FBXL14: variants seen among roughly 807,000 people sequenced by gnomAD.
FBXL14 encodes the protein F-box/LRR-repeat protein 14.
Under a neutral mutation model 24.5 loss-of-function variants are expected in FBXL14, and 11 were observed. The ratio of observed to expected loss-of-function variants is 0.45; its 90% confidence interval spans 0.28 to 0.74. The LOEUF is 0.74. Ranked by LOEUF, FBXL14 falls within the 30% of genes least tolerant of loss-of-function variation. The pLI is 0.12. For missense variants in FBXL14, 384 were observed against 545.6 expected (o/e 0.70, Z 2.95); for synonymous variants, 294 against 240.4 (o/e 1.22, Z -2.06).
chr12:1,568,874 T>A (rs1353923914), intron 1 of FBXL14, among the ~76,000 whole-genome samples: 2 of 151,946 alleles, frequency 1.3e-5, no homozygotes, highest in East Asian at 3.9e-4. Context: ...AAAAAAAGAT[T>A]GTCATAGTGG....
At chr12:1,589,124 ACGCCTGTAAT>A (rs2094482979) in intron 1 of FBXL14, among the ~76,000 whole-genome samples, 1 of 150,832 alleles carries the variant, frequency 6.6e-6, no homozygotes. Flanking sequence ...AGAGTGGCTC[ACGCCTGTAAT>A]CCCAGGACTT....
chr12:1,569,598 C>T lies in FBXL14; in HGVS notation c.1195-2788G>A, dbSNP rs2094441947. Among the ~76,000 whole-genome samples, 1 of 152,166 alleles carries T rather than the reference C, an allele frequency of 6.6e-6. No homozygotes were observed. Among genetic ancestry groups the T allele is most frequent in the African/African-American group, 2.4e-5 (1 of 41,458 alleles). On this transcript the variant is annotated intron_variant, in intron 1 of 1. Transcript: ENST00000339235. The surrounding 1 kb of genome is among the most constrained non-coding windows in gnomAD (Gnocchi z 4.2). ...TGTGTTTTTAGTAGAGATGGGGTTT[C>T]ACCGTGTTAGCCAGGATGGTCTCGA...
At chr12:1,586,845 C>T (rs2094477643) in intron 1 of FBXL14, among the ~76,000 whole-genome samples, 1 of 152,192 alleles carries the variant, frequency 6.6e-6, no homozygotes, top group Non-Finnish European at 1.5e-5. Flanking sequence ...GCTGCAGACC[C>T]AGTTCTCTTC....
At position 1,566,740 on chromosome 12, in the gene FBXL14, C is replaced by G; in HGVS notation, c.*8G>C. 1.3e-6 allele frequency: 1 copy of G among 780,888 alleles called. No individual in the cohort carries two copies. The highest frequency in any genetic ancestry group is 2.4e-6 in the Non-Finnish European group (1 of 418,062). The allele number at this position is 780,888 out of a possible 1,614,324, so 48.4% of individuals were successfully genotyped here. A position where few individuals can be genotyped will look rare whatever the true frequency, so the allele number is the denominator to read the frequency against. ...ATCCACGGGAACCATGTCGTTGTCC[C>G]CTCTCCCTCACCTTCTGGAGCTTCC... On this transcript the variant is annotated 3_prime_UTR_variant, in exon 2 of 2. Transcript: ENST00000339235.
At chr12:1,592,194 A>T (rs1294311997) in intron 1 of FBXL14, among the ~76,000 whole-genome samples, 1 of 147,532 alleles carries the variant, frequency 6.8e-6, no homozygotes, top group Non-Finnish European at 1.5e-5. Flanking sequence ...ATATATGTAT[A>T]TATATATATA....
intron 1 of FBXL14, among the ~76,000 whole-genome samples, chr12:1,585,251 A>C (rs1168749603): frequency 2.6e-5 from 4 of 151,954 alleles, no homozygotes; most frequent in Non-Finnish European, 5.9e-5. Context: ...ACAAAAAATT[A>C]GCCGGGCGTG....
At chr12:1,586,964 G>A (rs538307701) in intron 1 of FBXL14, among the ~76,000 whole-genome samples, 28 of 152,324 alleles carry the variant, frequency 1.8e-4, no homozygotes, top group African/African-American at 5.8e-4. Context: ...GTGGCCGGGC[G>A]CGGTGGCTCA....
intron 1 of FBXL14, among the ~76,000 whole-genome samples, chr12:1,576,452 C>G (rs2094456102): frequency 6.6e-6 from 1 of 152,198 alleles, no homozygotes; most frequent in Non-Finnish European, 1.5e-5. Context: ...CTGTCACCCT[C>G]TGGAGCTACT....
chr12:1,588,198 G>T (rs951353846), intron 1 of FBXL14, among the ~76,000 whole-genome samples: 1 of 152,144 alleles, frequency 6.6e-6, no homozygotes, highest in African/African-American at 2.4e-5. Flanking sequence ...AAACACAGTG[G>T]TCCCTGGGGG....
chr12:1,568,863 C>CA (rs888819140), intron 1 of FBXL14, among the ~76,000 whole-genome samples: 1 of 151,758 alleles, frequency 6.6e-6, no homozygotes, highest in Non-Finnish European at 1.5e-5. Flanking sequence ...TCTCAAAAAA[C>CA]AAAAAAAGAT....
chr12:1,573,839 T>C (rs2094449891), intron 1 of FBXL14, among the ~76,000 whole-genome samples: 2 of 152,146 alleles, frequency 1.3e-5, no homozygotes, highest in Admixed American at 1.3e-4. Context: ...ACCTTGTCTC[T>C]ACTACAAATA....
chr12:1,592,798 G>A, intron 1 of FBXL14, 75 bp downstream of exon 1: 5 of 1,242,862 alleles, frequency 4.0e-6, no homozygotes, highest in Non-Finnish European at 5.6e-6. Flanking sequence ...GTGCGTGTGA[G>A]TGTGTGGGGG....
intron 1 of FBXL14, among the ~76,000 whole-genome samples, chr12:1,574,173 C>G (rs2094450670): frequency 6.6e-6 from 1 of 152,092 alleles, no homozygotes; most frequent in Non-Finnish European, 1.5e-5. Context: ...TGAGTGGAGA[C>G]TTTGAAACAA....
At chr12:1,580,541 A>G (rs1427738634) in intron 1 of FBXL14, among the ~76,000 whole-genome samples, 1 of 151,372 alleles carries the variant, frequency 6.6e-6, no homozygotes, top group African/African-American at 2.4e-5. Context: ...GTGGGGGGGG[A>G]GGTCCTTGCT....
At chr12:1,591,352 T>TG (rs1565591010) in intron 1 of FBXL14, among the ~76,000 whole-genome samples, 1 of 151,410 alleles carries the variant, frequency 6.6e-6, no homozygotes, top group Non-Finnish European at 1.5e-5. Flanking sequence ...CTGTTGTTTT[T>TG]TTTTTTTTTT....
upstream of FBXL14, among the ~76,000 whole-genome samples, chr12:1,594,640 C>G (rs926210649): frequency 1.3e-5 from 2 of 149,104 alleles, no homozygotes; most frequent in African/African-American, 4.9e-5. Context: ...ACCAGGAGGC[C>G]AATCCCGGCC....
intron 1 of FBXL14, among the ~76,000 whole-genome samples, chr12:1,586,611 C>T (rs893015900): frequency 6.6e-6 from 1 of 152,186 alleles, no homozygotes; most frequent in Non-Finnish European, 1.5e-5. Context: ...TAGAGCAGCC[C>T]AGGTTCTGAC....
chr12:1,566,867 T>C (rs749197023), intron 1 of FBXL14, 57 bp from the exon 2 acceptor site: 15 of 775,810 alleles, frequency 1.9e-5, no homozygotes, highest in Non-Finnish European at 3.6e-5. Flanking sequence ...ACTCTGCTCT[T>C]CCTAACGAGG....
rs1228504940 is a variant in FBXL14 at position 1,566,138 on chromosome 12, T to C, written c.*610A>G. On this transcript the variant is annotated 3_prime_UTR_variant, in exon 2 of 2. Transcript: ENST00000339235. ...AGTAAACATTATTAATGAATGATAA[T>C]GATTTGTCAGTGATTGAAATTGTTT... 1.3e-5 allele frequency: 2 copies of C among 152,604 alleles called. No homozygotes were observed. Among genetic ancestry groups the C allele is most frequent in the Admixed American group, 6.5e-5 (1 of 15,278 alleles). 9.5% of individuals were successfully genotyped at this position (152,604 alleles called of 1,614,324 possible).
Sources: allele counts gnomAD v4.1 joint callset (sites outside exome capture counted in the v4.1 genomes callset), GRCh38; gene constraint gnomAD v4.1.1; non-coding constraint Gnocchi (gnomAD v3.1); transcripts MANE v1.5; gene names NCBI Gene and HGNC (gene_info 2026-07-23, HGNC 2026-07-21).